Variants in GAPVD1 observed in about 807,000 individuals in gnomAD.
The protein encoded by GAPVD1 is GTPase-activating protein and VPS9 domain-containing protein 1.
GAPVD1 carries 35 observed loss-of-function variants against 155.5 expected under a neutral mutation model. That is an observed-to-expected ratio of 0.23 (90% CI 0.17 to 0.30). The LOEUF is 0.30. Among genes scored for constraint, GAPVD1 ranks in the 10% least tolerant of loss-of-function variants. The probability of loss-of-function intolerance (pLI) is 1.00; values close to 1 mark genes in which losing one functional copy is unlikely to be tolerated. For missense variants in GAPVD1, 1,429 were observed against 1,775.7 expected, an observed-to-expected ratio of 0.80 and a Z score of 3.51; for synonymous variants, 636 against 619.7, an observed-to-expected ratio of 1.03 and a Z score of -0.39.
chr9:125,331,897 ATGTAACAT>A, intron 13 of GAPVD1, 21 bp from the exon 14 acceptor site: 1 of 1,611,510 alleles, frequency 6.2e-7, no homozygotes, highest in Non-Finnish European at 8.5e-7. Context: ...AGAATCACAA[ATGTAACAT>A]ACCTCTTATC....
chr9:125,302,194 T>G lies in GAPVD1; in HGVS notation c.397T>G (p.Phe133Val). ...CACACAAAGTGTTATTTACACAGTT[T>G]TTACCTCCCTGTATGGCAATTGCAT... The part of the protein sequence containing the change: ...ENTQSVIYTV[F>V]TSLYGNCIMQ... Residue 133 changes from phenylalanine (F) to valine (V), a missense_variant, in exon 5 of 28, where the codon TTT becomes GTT. This residue lies in a region of GAPVD1 where 628 missense variants were observed against 733.4 expected (regional missense o/e 0.86). Transcript: ENST00000297933. 2 of 1,613,908 alleles carry G rather than the reference T, an allele frequency of 1.2e-6. No individual in the cohort carries two copies. The highest frequency in any genetic ancestry group is 1.7e-6 in the Non-Finnish European group (2 of 1,179,846).
chr9:125,316,523 T>G (rs1220603561), intron 9 of GAPVD1, among the ~76,000 whole-genome samples: 1 of 152,170 alleles, frequency 6.6e-6, no homozygotes, highest in South Asian at 2.1e-4. Flanking sequence ...CCTTTTTTAT[T>G]GCTGCAAACC....
chr9:125,285,950 G>A (rs1241994015), intron 2 of GAPVD1, among the ~76,000 whole-genome samples: 1 of 151,524 alleles, frequency 6.6e-6, no homozygotes, highest in Non-Finnish European at 1.5e-5. Flanking sequence ...TGAGACTACA[G>A]GCATGCGCGA....
chr9:125,304,963 CAG>C, intron 5 of GAPVD1, 98 bp from the exon 6 acceptor site: 1 of 743,216 alleles, frequency 1.3e-6, no homozygotes, highest in Non-Finnish European at 2.3e-6. Flanking sequence ...TATTATGAAA[CAG>C]ATTTTTAGAA....
rs1172039045 is a variant in GAPVD1 at position 125,362,943 on chromosome 9, G to C, written c.*197G>C. On this transcript the variant is annotated 3_prime_UTR_variant, in exon 28 of 28. Coordinates refer to ENST00000297933, the MANE Select transcript of GAPVD1 (RefSeq NM_001282680.3). ...CTCGTCTTTGGGCTCTTTCCTTTCT[G>C]AGTTGCATATTCTATTTTCTTGTCC... 2.7e-6 allele frequency: 1 copy of C among 364,192 alleles called. No individual in the cohort carries two copies. The highest frequency in any genetic ancestry group is 2.1e-5 in the African/African-American group (1 of 47,468). The allele number at this position is 364,192 out of a possible 1,614,324, so 22.6% of individuals were successfully genotyped here. A position where few individuals can be genotyped will look rare whatever the true frequency, so the allele number is the denominator to read the frequency against.
At chr9:125,285,899 C>T (rs1837615687) in intron 2 of GAPVD1, among the ~76,000 whole-genome samples, 1 of 151,970 alleles carries the variant, frequency 6.6e-6, no homozygotes, top group African/African-American at 2.4e-5. Flanking sequence ...GCATTGACCT[C>T]CCTGCTCAAG....
chr9:125,335,453 G>A (rs1329671515), intron 15 of GAPVD1, among the ~76,000 whole-genome samples: 2 of 151,942 alleles, frequency 1.3e-5, no homozygotes, highest in South Asian at 2.1e-4. Context: ...CGAGGCAGGC[G>A]GATTACGAGG....
At chr9:125,302,922 G>A in intron 5 of GAPVD1, 96 bp downstream of exon 5, 3 of 1,432,862 alleles carry the variant, frequency 2.1e-6, no homozygotes, top group Non-Finnish European at 2.8e-6. Flanking sequence ...GACAGTATTT[G>A]TATATTCTTA....
At chr9:125,273,975 A>G (rs1349037112) in intron 2 of GAPVD1, among the ~76,000 whole-genome samples, 1 of 149,814 alleles carries the variant, frequency 6.7e-6, no homozygotes, top group Non-Finnish European at 1.5e-5. Context: ...TTTGTTTTTT[A>G]TTTTTATTTT....
chr9:125,296,904 C>A (rs1008782646), intron 3 of GAPVD1, among the ~76,000 whole-genome samples: 3 of 151,896 alleles, frequency 2.0e-5, no homozygotes, highest in African/African-American at 7.3e-5. Flanking sequence ...AAGTGAGCCA[C>A]CTGCCTTGGC....
intron 9 of GAPVD1, among the ~76,000 whole-genome samples, chr9:125,321,080 C>G (rs953410689): frequency 2.6e-5 from 4 of 152,100 alleles, no homozygotes; most frequent in African/African-American, 9.7e-5. Context: ...TAGAGAATTT[C>G]AATAACTTGC....
At chr9:125,291,771 C>A (rs1260452154) in intron 2 of GAPVD1, among the ~76,000 whole-genome samples, 2 of 152,020 alleles carry the variant, frequency 1.3e-5, no homozygotes, top group Non-Finnish European at 2.9e-5. Context: ...ATAGAGGAAG[C>A]CATGTTCCCA....
intron 23 of GAPVD1, among the ~76,000 whole-genome samples, chr9:125,353,392 G>A (rs1456770978): frequency 6.6e-6 from 1 of 152,138 alleles, no homozygotes; most frequent in Admixed American, 6.6e-5. Flanking sequence ...CAAATCTCTA[G>A]GAAGTTCCAT....
chr9:125,334,456 T>C (rs935280299), intron 15 of GAPVD1, among the ~76,000 whole-genome samples: 27 of 152,226 alleles, frequency 1.8e-4, no homozygotes, highest in African/African-American at 5.1e-4. Context: ...GAAGCACTTA[T>C]GGATTATTTG....
intron 25 of GAPVD1, among the ~76,000 whole-genome samples, chr9:125,357,949 T>G (rs1850334584): frequency 6.7e-6 from 1 of 150,374 alleles, no homozygotes; most frequent in African/African-American, 2.4e-5. Flanking sequence ...CACTCCAACC[T>G]GGACAACAGA....
intron 1 of GAPVD1, among the ~76,000 whole-genome samples, chr9:125,267,201 A>G (rs1834115500): frequency 6.6e-6 from 1 of 152,168 alleles, no homozygotes; most frequent in African/African-American, 2.4e-5. Context: ...TTTACTTTAC[A>G]CATAGAAGAT....
At chr9:125,307,966 G>C in intron 8 of GAPVD1, 86 bp downstream of exon 8, 1 of 913,604 alleles carries the variant, frequency 1.1e-6, no homozygotes, top group South Asian at 1.4e-5. Context: ...TGGAACATAT[G>C]TTTAAGTACT....
At chr9:125,267,327 T>A (rs1834133193) in intron 1 of GAPVD1, among the ~76,000 whole-genome samples, 1 of 152,174 alleles carries the variant, frequency 6.6e-6, no homozygotes, top group Non-Finnish European at 1.5e-5. Flanking sequence ...CTATCAGGGA[T>A]CATTGCAGTC....
chr9:125,278,549 A>G (rs907284603), intron 2 of GAPVD1, among the ~76,000 whole-genome samples: 2 of 151,674 alleles, frequency 1.3e-5, no homozygotes, highest in African/African-American at 4.8e-5. Context: ...AAATGTTCAC[A>G]TTAGGCCAGG....
Sources: allele counts gnomAD v4.1 joint callset (sites outside exome capture counted in the v4.1 genomes callset), GRCh38; gene constraint gnomAD v4.1.1; regional missense constraint gnomAD v4.1.1; transcripts MANE v1.5; gene names NCBI Gene and HGNC (gene_info 2026-07-23, HGNC 2026-07-21).